The following WIF1 variants were observed in gnomAD, a reference collection of about 807,000 sequenced individuals.
WIF1 encodes the protein Wnt inhibitory factor 1.
Under a neutral mutation model 53.5 loss-of-function variants are expected in WIF1, and 35 were observed. That is an observed-to-expected ratio of 0.65 (90% CI 0.50 to 0.87). WIF1 has a LOEUF of 0.87. Ranked by LOEUF, WIF1 falls within the 40% of genes least tolerant of loss-of-function variation. WIF1 has a pLI of 0.00. For missense variants in WIF1, 467 were observed against 476.8 expected, an observed-to-expected ratio of 0.98 and a Z score of 0.19; for synonymous variants, 171 against 170.4, an observed-to-expected ratio of 1.00 and a Z score of -0.03.
chr12:65,087,039 A>G (rs1883050088), intron 2 of WIF1, among the ~76,000 whole-genome samples: 1 of 151,964 alleles, frequency 6.6e-6, no homozygotes, highest in Admixed American at 6.6e-5. Context: ...AATCCCAGCT[A>G]CTCTGGAGGC....
chr12:65,055,396 T>A (rs370631618), intron 8 of WIF1, among the ~76,000 whole-genome samples, 183 bp from the exon 9 acceptor site: 10 of 152,214 alleles, frequency 6.6e-5, no homozygotes, highest in African/African-American at 2.4e-4. Context: ...CTGAGAATGA[T>A]CTTTAAGCAT....
chr12:65,114,854 G>T (rs902113680), intron 2 of WIF1, among the ~76,000 whole-genome samples: 5 of 152,040 alleles, frequency 3.3e-5, no homozygotes, highest in African/African-American at 1.2e-4. Context: ...CTTCGGTTTT[G>T]TTTTTAAACA....
At chr12:65,072,530 G>A (rs1051243674) in intron 3 of WIF1, among the ~76,000 whole-genome samples, 24 of 152,054 alleles carry the variant, frequency 1.6e-4, no homozygotes, top group African/African-American at 5.8e-4. Context: ...CACAAACTAG[G>A]TACCAACAGA....
At chr12:65,067,449 AG>A (rs1452114971) in intron 5 of WIF1, among the ~76,000 whole-genome samples, 2 of 152,184 alleles carry the variant, frequency 1.3e-5, no homozygotes, top group Non-Finnish European at 2.9e-5. Flanking sequence ...ACTTAAGAGG[AG>A]GAAAAAAACC....
At chr12:65,120,337 C>T (rs1382422342) in intron 2 of WIF1, 80 bp downstream of exon 2, 2 of 1,347,110 alleles carry the variant, frequency 1.5e-6, no homozygotes, top group Non-Finnish European at 2.0e-6. Context: ...TAAAATGTAC[C>T]AGGCTACACA....
intron 3 of WIF1, among the ~76,000 whole-genome samples, chr12:65,074,433 T>C (rs1882827379): frequency 1.3e-5 from 2 of 151,678 alleles, no homozygotes; most frequent in African/African-American, 4.8e-5. Context: ...AAAATAGAAA[T>C]TGAGAGGTGT....
intron 2 of WIF1, among the ~76,000 whole-genome samples, chr12:65,081,110 G>A (rs1412934982): frequency 2.1e-5 from 3 of 142,400 alleles, no homozygotes; most frequent in Admixed American, 7.2e-5. Context: ...CATGAAATAA[G>A]TGCATTTATG....
chr12:65,107,336 A>T (rs901945115), intron 2 of WIF1, among the ~76,000 whole-genome samples: 1 of 152,220 alleles, frequency 6.6e-6, no homozygotes, highest in Non-Finnish European at 1.5e-5. Flanking sequence ...AAAGCAGGAG[A>T]TGTCCTGTCC....
At chr12:65,092,510 A>ATG (rs1202221839) in intron 2 of WIF1, among the ~76,000 whole-genome samples, 1 of 149,094 alleles carries the variant, frequency 6.7e-6, no homozygotes, top group East Asian at 2.0e-4. Flanking sequence ...ATATGTGTGT[A>ATG]TATATATATA....
At chr12:65,061,249 A>C (rs1882606691) in intron 7 of WIF1, among the ~76,000 whole-genome samples, 1 of 152,222 alleles carries the variant, frequency 6.6e-6, no homozygotes, top group Non-Finnish European at 1.5e-5. Flanking sequence ...CCACAAATAA[A>C]TTAGAGGTTG....
chr12:65,107,312 T>C (rs1592403656), intron 2 of WIF1, among the ~76,000 whole-genome samples: 1 of 152,186 alleles, frequency 6.6e-6, no homozygotes, highest in Admixed American at 6.5e-5. Context: ...TTGGGATCCA[T>C]CTGGTTATTG....
intron 2 of WIF1, among the ~76,000 whole-genome samples, chr12:65,098,651 A>G (rs932014961): frequency 6.8e-6 from 1 of 146,266 alleles, no homozygotes; most frequent in Non-Finnish European, 1.5e-5. Flanking sequence ...ATTGAACATT[A>G]AAGTCTGTGT....
chr12:65,075,041 A>G lies in WIF1; in HGVS notation c.397+2705T>C, dbSNP rs1882841165. On this transcript the variant is annotated intron_variant, in intron 3 of 9. Transcript: ENST00000286574. Reference sequence around the variant, plus strand: ...GATACTCACGTCCTTGGGGCTACACATCTCAGGTGAATAAATCTTCACCCA... The same window carrying G: ...GATACTCACGTCCTTGGGGCTACACGTCTCAGGTGAATAAATCTTCACCCA... Among the ~76,000 whole-genome samples, 3 of 152,100 alleles carry G rather than the reference A, an allele frequency of 2.0e-5. No individual in the cohort carries two copies. The South Asian group carries it at 6.2e-4, about 32-fold the overall frequency.
At chr12:65,075,100 T>C (rs1882841919) in intron 3 of WIF1, among the ~76,000 whole-genome samples, 1 of 152,158 alleles carries the variant, frequency 6.6e-6, no homozygotes, top group South Asian at 2.1e-4. Context: ...AAACAGATCC[T>C]CTAGGGGTGC....
intron 2 of WIF1, among the ~76,000 whole-genome samples, chr12:65,081,583 G>T (rs967184868): frequency 6.6e-6 from 1 of 152,102 alleles, no homozygotes; most frequent in Non-Finnish European, 1.5e-5. Flanking sequence ...ACACAAAAGT[G>T]TCCCTTTTAT....
rs369813235 is a variant in WIF1 at position 65,060,178 on chromosome 12, C to T, written c.826+2303G>A. ...TCAAAAAAGTTGTCACCACGTGACC[C>T]AGCAATTCCACCCCCAGGTAAATAT... On this transcript the variant is annotated intron_variant, in intron 7 of 9. Coordinates refer to ENST00000286574, the MANE Select transcript of WIF1 (RefSeq NM_007191.5). Among the ~76,000 whole-genome samples the T allele has an allele frequency of 2.0e-5, 3 of 152,102 alleles. No homozygotes were observed. The South Asian group carries it at 6.2e-4, about 31-fold the overall frequency.
At chr12:65,116,354 TCCCATAGAA>T (rs1883510397) in intron 2 of WIF1, among the ~76,000 whole-genome samples, 2 of 151,956 alleles carry the variant, frequency 1.3e-5, no homozygotes, top group South Asian at 4.2e-4. Flanking sequence ...GGCATTAGGT[TCCCATAGAA>T]CTGTGAACCC....
At chr12:65,075,846 G>A (rs1882852854) in intron 3 of WIF1, among the ~76,000 whole-genome samples, 2 of 152,064 alleles carry the variant, frequency 1.3e-5, no homozygotes, top group African/African-American at 4.8e-5. Flanking sequence ...AATGCAATAA[G>A]TGGTGAATAT....
At chr12:65,052,640 T>G (rs1208759874) in intron 9 of WIF1, among the ~76,000 whole-genome samples, 5 of 152,200 alleles carry the variant, frequency 3.3e-5, no homozygotes, top group African/African-American at 9.7e-5. Context: ...TTTTAGCTAA[T>G]GTACAAAATG....
Sources: gnomAD v4.1 joint callset for allele counts (sites outside exome capture counted in the v4.1 genomes callset) on GRCh38, gnomAD v4.1.1 for gene constraint, MANE v1.5 for transcripts, NCBI Gene and HGNC (gene_info 2026-07-23, HGNC 2026-07-21) for gene names.